Variants in NID2 observed in about 807,000 individuals in gnomAD.
The protein encoded by NID2 is nidogen-2.
Under a neutral mutation model 145.4 loss-of-function variants are expected in NID2, and 83 were observed. The observed-to-expected ratio is 0.57, with a 90% CI of 0.48 to 0.69. The LOEUF (loss-of-function observed/expected upper bound fraction) is 0.69, where lower values mean the gene tolerates loss of function less well. Among genes scored for constraint, NID2 ranks in the 30% least tolerant of loss-of-function variants. The probability of loss-of-function intolerance (pLI) is 0.00; values close to 1 mark genes in which losing one functional copy is unlikely to be tolerated. For synonymous variants in NID2, 739 were observed against 701.3 expected, an observed-to-expected ratio of 1.05 and a Z score of -0.85; for missense variants, 1,807 against 1,765.7, an observed-to-expected ratio of 1.02 and a Z score of -0.42.
chr14:52,021,333 A>G lies in NID2; in HGVS notation c.2675-1155T>C, dbSNP rs545885188. 3.3e-5 allele frequency among the ~76,000 whole-genome samples: 5 copies of G among 152,288 alleles called. No individual in the cohort carries two copies. The East Asian group carries it at 9.6e-4, about 29-fold the overall frequency. ...GAGACACATCAGCATGGGAAGACAG[A>G]TATTTGAAGCCCTAAATTTGATGTG... On this transcript the variant is annotated intron_variant, in intron 12 of 21. Transcript: ENST00000216286.
At chr14:52,014,954 C>A (rs529146439) in intron 15 of NID2, 100 bp downstream of exon 15, 48 of 931,864 alleles carry the variant, frequency 5.2e-5, no homozygotes, top group Non-Finnish European at 6.9e-5. Context: ...TTCATTAGAC[C>A]TGGTGACCCC....
intron 20 of NID2, 68 bp downstream of exon 20, chr14:52,006,469 T>TA: frequency 6.3e-7 from 1 of 1,583,558 alleles, no homozygotes; most frequent in South Asian, 1.2e-5. Flanking sequence ...TGACTTTTGG[T>TA]AAAACAAGTG....
chr14:52,027,778 C>T (rs887751507), intron 11 of NID2, among the ~76,000 whole-genome samples: 1 of 148,434 alleles, frequency 6.7e-6, no homozygotes, highest in South Asian at 2.1e-4. Context: ...GGCTGGAGTA[C>T]AGTGGCGTGA....
intron 9 of NID2, among the ~76,000 whole-genome samples, chr14:52,038,453 A>G (rs753053): frequency 0.018 from 2,742 of 152,298 alleles, 27 homozygotes; most frequent in Non-Finnish European, 0.027. Flanking sequence ...TCCTAATTCC[A>G]GTCTGCCTTG....
chr14:52,053,646 G>A lies in NID2; in HGVS notation c.1362C>T (p.His454=). 6.2e-7 allele frequency: 1 copy of A among 1,614,250 alleles called. No individual in the cohort carries two copies. Among genetic ancestry groups the A allele is most frequent in the African/African-American group, 1.3e-5 (1 of 75,064 alleles). The change falls in exon 5 of 22, where the codon CAC becomes CAT. Residue 454 remains histidine (H), a synonymous_variant. Coordinates refer to ENST00000216286, the MANE Select transcript of NID2 (RefSeq NM_007361.4). ...ACGTCCCTCGACTTAAGGGTGTAGTGTGACCTGAAGCAGGGTAACTTCGAA... is the reference window on the plus strand; with the variant it reads ...ACGTCCCTCGACTTAAGGGTGTAGTATGACCTGAAGCAGGGTAACTTCGAA... ...IVLRSYPASG[H]TTPLSRGTYE...
chr14:52,025,395 G>T (rs1332766770), intron 12 of NID2, among the ~76,000 whole-genome samples: 1 of 152,182 alleles, frequency 6.6e-6, no homozygotes, highest in Non-Finnish European at 1.5e-5. Context: ...AGAGCTAGGG[G>T]TGTTTATTCA....
chr14:52,028,608 A>T, intron 11 of NID2, 114 bp downstream of exon 11: 1 of 1,226,670 alleles, frequency 8.2e-7, no homozygotes, highest in Non-Finnish European at 1.1e-6. Context: ...CTGTCTTCTT[A>T]AGAAAACCAT....
At chr14:52,055,293 G>A (rs756899856) in intron 3 of NID2, among the ~76,000 whole-genome samples, 2 of 152,130 alleles carry the variant, frequency 1.3e-5, no homozygotes, top group Non-Finnish European at 2.9e-5. Context: ...ACCACACACT[G>A]CAGTCAATAA....
chr14:52,061,782 G>A (rs115513658), intron 2 of NID2, among the ~76,000 whole-genome samples: 12 of 152,180 alleles, frequency 7.9e-5, no homozygotes, highest in African/African-American at 2.7e-4. Context: ...TTCAGCGACC[G>A]CTCCTCCTAA....
In NID2 at chr14:52,042,369, A is replaced by G; in HGVS notation, c.1580-19T>C. On this transcript the variant is annotated intron_variant, in intron 6 of 21. Coordinates refer to ENST00000216286, the MANE Select transcript of NID2 (RefSeq NM_007361.4). ...GGTGCCCCTAAAAGACAGCAAATCC[A>G]GTTAGGCTTGGACGTCATCCTGGCT... 2 of 1,596,926 alleles carry G rather than the reference A, an allele frequency of 1.3e-6. No individual in the cohort carries two copies. Among genetic ancestry groups the G allele is most frequent in the East Asian group, 2.2e-5 (1 of 44,556 alleles).
intron 11 of NID2, among the ~76,000 whole-genome samples, chr14:52,028,280 T>TG (rs1555363406): frequency 9.4e-4 from 126 of 133,642 alleles, no homozygotes; most frequent in Non-Finnish European, 1.6e-3. Context: ...GTTGTTTTTT[T>TG]TTTTGTTTTT....
intron 5 of NID2, among the ~76,000 whole-genome samples, chr14:52,043,760 C>T (rs1442550898): frequency 1.3e-5 from 2 of 150,342 alleles, no homozygotes; most frequent in Non-Finnish European, 3.0e-5. Context: ...TGCCATAGTT[C>T]ATAAAGGAAA....
Position 52,060,354 on chromosome 14 carries a change from C to T in NID2, c.537G>A (p.Leu179=). The T allele has an allele frequency of 8.0e-7, 1 of 1,251,950 alleles. No homozygotes were observed. The highest frequency in any genetic ancestry group is 1.1e-6 in the Non-Finnish European group (1 of 934,308). 77.6% of individuals were successfully genotyped at this position (1,251,950 alleles called of 1,614,324 possible). ...VKRGALPSGE[L]NTFQAVLASD... ...ATGCCAAAACTGCCTGGAAAGTGTTCAGCTGTGAGGAAAAAAAAAAAAAAA... is the reference window on the plus strand; with the variant it reads ...ATGCCAAAACTGCCTGGAAAGTGTTTAGCTGTGAGGAAAAAAAAAAAAAAA... Residue 179 remains leucine, a splice_region_variant and synonymous_variant, in exon 3 of 22, where the codon CTG becomes CTA. Coordinates refer to ENST00000216286, the MANE Select transcript of NID2 (RefSeq NM_007361.4).
In NID2 at chr14:52,068,747, C is replaced by T. The variant is rs1201433023; in HGVS notation, c.228+20G>A. 1.9e-6 allele frequency: 3 copies of T among 1,586,914 alleles called. No homozygotes were observed. The highest frequency in any genetic ancestry group is 2.7e-5 in the African/African-American group (2 of 74,646). ...AGGGAAGAAGCTGCGGGAAAAGTGC[C>T]AGGAGGGGGCTGAACTTACGTAGAG... On this transcript the variant is annotated intron_variant, in intron 1 of 21. Transcript: ENST00000216286.
At chr14:52,068,503 G>A (rs1893305455) in intron 1 of NID2, among the ~76,000 whole-genome samples, 1 of 152,208 alleles carries the variant, frequency 6.6e-6, no homozygotes, top group Admixed American at 6.5e-5. Context: ...TGCAAAGCCC[G>A]CTGGCCGCCC....
chr14:52,048,608 C>A (rs183038125), intron 5 of NID2, among the ~76,000 whole-genome samples: 107 of 152,212 alleles, frequency 7.0e-4, no homozygotes, highest in Middle Eastern at 6.8e-3. Context: ...GAAGATATCT[C>A]CATTTTATAA....
At chr14:52,005,654 A>G in intron 21 of NID2, 83 bp downstream of exon 21, 1 of 1,374,558 alleles carries the variant, frequency 7.3e-7, no homozygotes, top group Non-Finnish European at 1.0e-6. Flanking sequence ...GCAGTGTCAC[A>G]GGCAGCAGGG....
rs1892305617 is a variant in NID2 at position 52,042,189 on chromosome 14, G to T, written c.1741C>A (p.Leu581Ile). 6.2e-7 allele frequency: 1 copy of T among 1,614,092 alleles called. No individual in the cohort carries two copies. ...AGGCCTCCAATTGGTGTGAGGGGGAGGAGGGCCTGGGCTGCTGGCTGTGGG... is the reference window on the plus strand; with the variant it reads ...AGGCCTCCAATTGGTGTGAGGGGGATGAGGGCCTGGGCTGCTGGCTGTGGG... ...HIPQPAAQAL[L>I]PLTPIGGLFG... The change falls in exon 7 of 22, where the codon CTC becomes ATC. Residue 581 changes from leucine to isoleucine, a missense_variant. Coordinates refer to ENST00000216286, the MANE Select transcript of NID2 (RefSeq NM_007361.4).
chr14:52,047,539 A>G (rs1180342276), intron 5 of NID2, among the ~76,000 whole-genome samples: 1 of 152,150 alleles, frequency 6.6e-6, no homozygotes, highest in African/African-American at 2.4e-5. Flanking sequence ...GCAGAAGAGT[A>G]ACATGCTCCG....
Sources: allele counts gnomAD v4.1 joint callset (sites outside exome capture counted in the v4.1 genomes callset), GRCh38; gene constraint gnomAD v4.1.1; transcripts MANE v1.5; gene names NCBI Gene and HGNC (gene_info 2026-07-23, HGNC 2026-07-21).